Variants in NMBR observed in about 807,000 individuals in gnomAD.
NMBR encodes neuromedin-B receptor.
A neutral mutation model predicts 20.5 loss-of-function variants in NMBR; 16 were observed. The ratio of observed to expected loss-of-function variants is 0.78; its 90% CI spans 0.53 to 1.19. NMBR has a LOEUF of 1.19. Ranked by LOEUF, NMBR falls within the 50% of genes most tolerant of loss-of-function variation. The pLI is 0.00. For missense variants in NMBR, 582 were observed against 499.1 expected (o/e 1.17, Z -1.58); for synonymous variants, 212 against 196.6 (o/e 1.08, Z -0.65).
intron 1 of NMBR, among the ~76,000 whole-genome samples, chr6:142,102,408 AG>A (rs1222055300): frequency 6.6e-6 from 1 of 150,892 alleles, no homozygotes; most frequent in Non-Finnish European, 1.5e-5. Context: ...AAAAAAAAAA[AG>A]TCTACTTGCT....
chr6:142,133,986 A>G (rs1257154851), intron 1 of NMBR: 1 of 702,522 alleles, frequency 1.4e-6, no homozygotes, highest in Non-Finnish European at 2.6e-6. Flanking sequence ...GACAAAAGAG[A>G]AGTAAACCTC....
At chr6:142,082,057 T>C (rs1490096547) in intron 2 of NMBR, among the ~76,000 whole-genome samples, 1 of 152,110 alleles carries the variant, frequency 6.6e-6, no homozygotes, top group Non-Finnish European at 1.5e-5. Flanking sequence ...ACAAAATACA[T>C]AATAAAAATG....
At chr6:142,084,195 C>A (rs1290035023) in intron 2 of NMBR, among the ~76,000 whole-genome samples, 1 of 152,124 alleles carries the variant, frequency 6.6e-6, no homozygotes, top group South Asian at 2.1e-4. Flanking sequence ...GGGCCTGTAT[C>A]CAATCTATTT....
At chr6:142,096,152 T>C (rs1777447438) in intron 1 of NMBR, among the ~76,000 whole-genome samples, 1 of 152,202 alleles carries the variant, frequency 6.6e-6, no homozygotes, top group South Asian at 2.1e-4. Context: ...CTTTATTTCC[T>C]TCAGTTCTGC....
chr6:142,091,655 A>G (rs1357530524), intron 1 of NMBR, among the ~76,000 whole-genome samples: 2 of 152,196 alleles, frequency 1.3e-5, no homozygotes, highest in Non-Finnish European at 2.9e-5. Context: ...AGACAAGATA[A>G]ATTGTCTAAT....
At chr6:142,140,112 T>C (rs920812136) in intron 1 of NMBR, among the ~76,000 whole-genome samples, 1 of 151,778 alleles carries the variant, frequency 6.6e-6, no homozygotes, top group African/African-American at 2.4e-5. Context: ...GAAACATAAA[T>C]GTAATTCAAA....
intron 1 of NMBR, chr6:142,133,073 G>T (rs1483500129): frequency 3.4e-6 from 2 of 583,796 alleles, no homozygotes; most frequent in Middle Eastern, 2.6e-4. Flanking sequence ...CTGAGAGAAT[G>T]TAAGAGTTTG....
chr6:142,092,697 T>G (rs1777353154), intron 1 of NMBR, among the ~76,000 whole-genome samples: 1 of 152,148 alleles, frequency 6.6e-6, no homozygotes, highest in African/African-American at 2.4e-5. Context: ...AGAAAGAGTT[T>G]TCAGCCCATG....
At chr6:142,103,268 G>A (rs1270329928) in intron 1 of NMBR, among the ~76,000 whole-genome samples, 1 of 152,104 alleles carries the variant, frequency 6.6e-6, no homozygotes, top group Non-Finnish European at 1.5e-5. Flanking sequence ...ATATACTTTG[G>A]TAAAATGAGC....
intron 1 of NMBR, among the ~76,000 whole-genome samples, chr6:142,095,723 G>A (rs1040687337): frequency 2.0e-5 from 3 of 152,044 alleles, no homozygotes; most frequent in African/African-American, 4.8e-5. Flanking sequence ...TTTCAGAAGG[G>A]ATGGTATCAG....
intron 1 of NMBR, among the ~76,000 whole-genome samples, chr6:142,140,224 A>G (rs1778342445): frequency 6.6e-6 from 1 of 152,142 alleles, no homozygotes; most frequent in Admixed American, 6.5e-5. Flanking sequence ...TAAAATAAAT[A>G]AATCCCAGAT....
chr6:142,137,632 T>G (rs532704965), intron 1 of NMBR, among the ~76,000 whole-genome samples: 1 of 152,346 alleles, frequency 6.6e-6, no homozygotes, highest in Admixed American at 6.5e-5. Context: ...GGCTGTGGTT[T>G]GTCACAGATA....
intron 1 of NMBR, among the ~76,000 whole-genome samples, chr6:142,097,153 G>A (rs1445696927): frequency 6.6e-6 from 1 of 151,952 alleles, no homozygotes; most frequent in Non-Finnish European, 1.5e-5. Flanking sequence ...CTTTTAATTG[G>A]AGCATTTAGC....
In NMBR at chr6:142,082,481, A is replaced by G. The variant is rs542641807; in HGVS notation, c.423-3578T>C. On this transcript the variant is annotated intron_variant, in intron 2 of 3. Coordinates refer to ENST00000258042, the MANE Select transcript of NMBR (RefSeq NM_002511.4). Reference sequence around the variant, plus strand: ...ATGCCTAAGACGCATCAATATTCAGAAACACATAGAGAAGTAAAAAAAAGA... The same window carrying G: ...ATGCCTAAGACGCATCAATATTCAGGAACACATAGAGAAGTAAAAAAAAGA... Among the ~76,000 whole-genome samples, 13 of 152,312 alleles carry G rather than the reference A, an allele frequency of 8.5e-5. No individual in the cohort carries two copies. The South Asian group carries it at 2.5e-3, about 29-fold the overall frequency.
At chr6:142,120,531 ATG>A (rs111391522) in intron 1 of NMBR, among the ~76,000 whole-genome samples, 2,328 of 152,070 alleles carry the variant, frequency 0.015, 49 homozygotes, top group South Asian at 0.07. Flanking sequence ...TGACCTGTTC[ATG>A]TGTGACAAGA....
chr6:142,131,686 A>G (rs376024430), intron 1 of NMBR, among the ~76,000 whole-genome samples: 9 of 152,252 alleles, frequency 5.9e-5, no homozygotes, highest in African/African-American at 2.2e-4. Context: ...TTATTACCCA[A>G]TTGGATCAGA....
intron 2 of NMBR, among the ~76,000 whole-genome samples, chr6:142,082,087 C>A (rs922904474): frequency 4.6e-5 from 7 of 152,162 alleles, no homozygotes; most frequent in Admixed American, 6.5e-5. Context: ...TTACCTCTTA[C>A]AGAGTCATCA....
chr6:142,110,144 C>T lies in NMBR; in HGVS notation c.-663-20823G>A, dbSNP rs559736784. Among the ~76,000 whole-genome samples the T allele has an allele frequency of 5.3e-5, 8 of 152,128 alleles. No individual in the cohort carries two copies. The South Asian group carries it at 6.2e-4, about 12-fold the overall frequency. On this transcript the variant is annotated intron_variant, in intron 1 of 3. Coordinates refer to ENST00000258042, the MANE Select transcript of NMBR (RefSeq NM_002511.4). Reference sequence around the variant, plus strand: ...TAGTGGAAATTTAAAGTGGTGTAGCCGCTTTGAAAAACAGTCTGGCCATTC... The same window carrying T: ...TAGTGGAAATTTAAAGTGGTGTAGCTGCTTTGAAAAACAGTCTGGCCATTC...
chr6:142,134,821 C>A (rs530744249), intron 1 of NMBR: 1 of 671,330 alleles, frequency 1.5e-6, no homozygotes, highest in African/African-American at 1.8e-5. Context: ...AACCATTTTT[C>A]TCATTGCAAT....
Sources: allele counts gnomAD v4.1 joint callset (sites outside exome capture counted in the v4.1 genomes callset), GRCh38; gene constraint gnomAD v4.1.1; transcripts MANE v1.5; gene names NCBI Gene and HGNC (gene_info 2026-07-23, HGNC 2026-07-21).